Variants in UNC5D observed in about 807,000 individuals in gnomAD.
UNC5D encodes the protein unc-5 netrin receptor D, also known as netrin receptor UNC5D.
UNC5D carries 39 observed loss-of-function variants against 105.4 expected under a neutral mutation model. The ratio of observed to expected loss-of-function variants is 0.37; its 90% CI spans 0.29 to 0.48. UNC5D has a LOEUF of 0.48. Among genes scored for constraint, UNC5D ranks in the 20% least tolerant of loss-of-function variants. The probability of loss-of-function intolerance (pLI) is 0.98; values close to 1 mark genes in which losing one functional copy is unlikely to be tolerated. For missense variants in UNC5D, 991 were observed against 1,202.4 expected, an observed-to-expected ratio of 0.82 and a Z score of 2.60; for synonymous variants, 452 against 450.4, an observed-to-expected ratio of 1.00 and a Z score of -0.04.
chr8:35,246,435 T>G (rs533210239), intron 1 of UNC5D, among the ~76,000 whole-genome samples: 1 of 152,264 alleles, frequency 6.6e-6, no homozygotes, highest in South Asian at 2.1e-4. Context: ...TTCTCTTAAA[T>G]CAGTGGCTGT....
intron 1 of UNC5D, among the ~76,000 whole-genome samples, chr8:35,237,119 A>G (rs144378498): frequency 6.7e-6 from 1 of 148,732 alleles, no homozygotes; most frequent in African/African-American, 2.5e-5. Context: ...TAAGAGGTTG[A>G]TAGAGGCTCT....
chr8:35,614,770 G>A (rs183405587), intron 4 of UNC5D, among the ~76,000 whole-genome samples: 5 of 152,252 alleles, frequency 3.3e-5, no homozygotes, highest in Admixed American at 3.3e-4. Flanking sequence ...TTAATTGACT[G>A]ACTTTTGACA....
Position 35,327,531 on chromosome 8 carries a change from A to C in UNC5D, c.103+91644A>C, listed in dbSNP as rs1050675936. 2.0e-5 allele frequency among the ~76,000 whole-genome samples: 3 copies of C among 152,196 alleles called. No homozygotes were observed. In the South Asian group the frequency reaches 6.2e-4, roughly 32 times the overall value. Reference sequence around the variant, plus strand: ...AGAGCCCAGATTTCTGTGAGTGCACAAGGTGCCTGGGTGGGCTCCTCTGCC... The same window carrying C: ...AGAGCCCAGATTTCTGTGAGTGCACCAGGTGCCTGGGTGGGCTCCTCTGCC... On this transcript the variant is annotated intron_variant, in intron 1 of 16. Transcript: ENST00000404895.
intron 7 of UNC5D, among the ~76,000 whole-genome samples, chr8:35,695,280 G>C (rs920188903): frequency 6.6e-6 from 1 of 152,128 alleles, no homozygotes. Context: ...CAGCTGGTAG[G>C]ATTTGGTCCT....
intron 2 of UNC5D, among the ~76,000 whole-genome samples, chr8:35,558,634 T>C (rs1816718620): frequency 6.6e-6 from 1 of 152,164 alleles, no homozygotes; most frequent in African/African-American, 2.4e-5. Context: ...TCACAGGGGC[T>C]GAGAAATCTT....
chr8:35,253,985 T>C (rs1191050346), intron 1 of UNC5D, among the ~76,000 whole-genome samples: 1 of 152,222 alleles, frequency 6.6e-6, no homozygotes, highest in Non-Finnish European at 1.5e-5. Context: ...TACTGTTCCC[T>C]TCACGTACTC....
chr8:35,313,826 G>A (rs1384954625), intron 1 of UNC5D, among the ~76,000 whole-genome samples: 1 of 152,172 alleles, frequency 6.6e-6, no homozygotes, highest in Non-Finnish European at 1.5e-5. Context: ...GATTGAATGA[G>A]TTTATTTACC....
At chr8:35,486,851 G>A (rs1810853809) in intron 1 of UNC5D, among the ~76,000 whole-genome samples, 1 of 152,084 alleles carries the variant, frequency 6.6e-6, no homozygotes, top group African/African-American at 2.4e-5. Flanking sequence ...TTCTTCTAAT[G>A]CATCCTCTGA....
At chr8:35,714,205 G>C (rs1368249286) in intron 8 of UNC5D, among the ~76,000 whole-genome samples, 2 of 152,212 alleles carry the variant, frequency 1.3e-5, no homozygotes, top group Non-Finnish European at 2.9e-5. Context: ...ATTCAGAGAT[G>C]ACTCTTTGAT....
At chr8:35,704,426 A>G (rs911645445) in intron 7 of UNC5D, among the ~76,000 whole-genome samples, 10 of 152,156 alleles carry the variant, frequency 6.6e-5, no homozygotes, top group African/African-American at 2.4e-4. Context: ...GTGATGGTGC[A>G]GTCAGTCAGA....
At chr8:35,739,450 A>G (rs1328349070) in intron 11 of UNC5D, among the ~76,000 whole-genome samples, 1 of 152,182 alleles carries the variant, frequency 6.6e-6, no homozygotes, top group African/African-American at 2.4e-5. Flanking sequence ...TCAGTCCACA[A>G]GTAAACACAA....
chr8:35,699,635 A>ATTCTCTGTGCTTGTCCTCCATGAGTACG (rs1827037524), intron 7 of UNC5D, among the ~76,000 whole-genome samples: 1 of 152,192 alleles, frequency 6.6e-6, no homozygotes, highest in Non-Finnish European at 1.5e-5. Flanking sequence ...AAAACTTCCT[A>ATTCTCTGTGCTTGTCCTCCATGAGTACG]TTCTCTGTGC....
At chr8:35,482,121 A>G (rs1179610124) in intron 1 of UNC5D, among the ~76,000 whole-genome samples, 1 of 152,222 alleles carries the variant, frequency 6.6e-6, no homozygotes, top group East Asian at 1.9e-4. Flanking sequence ...TTGTAGCTAG[A>G]CTGAATAGCG....
intron 1 of UNC5D, among the ~76,000 whole-genome samples, chr8:35,340,080 A>G (rs995058027): frequency 3.3e-5 from 5 of 152,216 alleles, no homozygotes; most frequent in African/African-American, 1.2e-4. Flanking sequence ...GTCTATGTTC[A>G]GGAATGGGTA....
chr8:35,341,076 G>T (rs1482149187), intron 1 of UNC5D, among the ~76,000 whole-genome samples: 3 of 152,014 alleles, frequency 2.0e-5, no homozygotes, highest in Non-Finnish European at 2.9e-5. Flanking sequence ...ATATTTACCT[G>T]CTCCAATAGC....
At chr8:35,712,996 C>A (rs1828048181) in intron 8 of UNC5D, among the ~76,000 whole-genome samples, 1 of 152,168 alleles carries the variant, frequency 6.6e-6, no homozygotes, top group African/African-American at 2.4e-5. Context: ...CCTTCAGAAT[C>A]ATTCCTACTG....
intron 14 of UNC5D, among the ~76,000 whole-genome samples, chr8:35,761,548 A>G (rs1801536325): frequency 6.6e-6 from 1 of 152,238 alleles, no homozygotes; most frequent in Non-Finnish European, 1.5e-5. Context: ...ATTACATGGA[A>G]GTTGTGAACA....
intron 4 of UNC5D, among the ~76,000 whole-genome samples, chr8:35,623,374 G>A (rs1821482688): frequency 6.6e-6 from 1 of 152,132 alleles, no homozygotes; most frequent in African/African-American, 2.4e-5. Flanking sequence ...CACCCGCGGC[G>A]TACATTTTAT....
chr8:35,547,981 A>T (rs189516960), intron 1 of UNC5D, among the ~76,000 whole-genome samples: 4 of 152,210 alleles, frequency 2.6e-5, no homozygotes, highest in Non-Finnish European at 4.4e-5. Flanking sequence ...GGCAGAAAGC[A>T]TCCAGCACGG....
Sources: allele counts gnomAD v4.1 joint callset (sites outside exome capture counted in the v4.1 genomes callset), GRCh38; gene constraint gnomAD v4.1.1; transcripts MANE v1.5; gene names NCBI Gene and HGNC (gene_info 2026-07-23, HGNC 2026-07-21).